CLCN5: variants seen among roughly 807,000 people sequenced by gnomAD.
The protein encoded by CLCN5 is Cl-/H+ antiporter 5, also known as H(+)/Cl(-) exchange transporter 5.
A neutral mutation model predicts 54.0 loss-of-function variants in CLCN5; 17 were observed. That is an observed-to-expected ratio of 0.31 (90% CI 0.22 to 0.47). The LOEUF (loss-of-function observed/expected upper bound fraction) is 0.47, where lower values mean the gene tolerates loss of function less well. Among genes scored for constraint, CLCN5 ranks in the 20% least tolerant of loss-of-function variants. The pLI, the probability that CLCN5 is intolerant of heterozygous loss-of-function variation, is 1.00. For missense variants in CLCN5, 448 were observed against 646.7 expected (o/e 0.69, Z 3.33); for synonymous variants, 222 against 233.0 (o/e 0.95, Z 0.43).
chrX:50,006,582 G>A lies in CLCN5; in HGVS notation c.17-35734G>A, dbSNP rs141916865. On this transcript the variant is annotated intron_variant, in intron 3 of 14. Coordinates refer to ENST00000376091, the MANE Select transcript of CLCN5 (RefSeq NM_001127898.4). ...CAGCCTGCCTTCATGTGTTCAAGGG[G>A]CTGGAAAAGGGGAGCTTTTTCTTTC... 1.4e-4 allele frequency among the ~76,000 whole-genome samples: 16 copies of A among 111,812 alleles called. No individual in the cohort carries two copies. In the East Asian group the frequency reaches 4.5e-3, roughly 32 times the overall value.
In CLCN5 at chrX:49,925,277, C is replaced by G; in HGVS notation, c.-22C>G. 8.3e-7 allele frequency: 1 copy of G among 1,208,362 alleles called. No homozygotes were observed. The highest frequency in any genetic ancestry group is 1.1e-6 in the Non-Finnish European group (1 of 892,562). ...TGGGAAACTCAGCCTGTGACCCCAG[C>G]GTGGGTGAAGATAGGATCAAGATGG... On this transcript the variant is annotated 5_prime_UTR_variant, in exon 3 of 15. Transcript: ENST00000376091.
chrX:50,079,872 A>G (rs1280943631), intron 7 of CLCN5, among the ~76,000 whole-genome samples: 1 of 111,285 alleles, frequency 9.0e-6, no homozygotes, highest in Non-Finnish European at 1.9e-5. Flanking sequence ...GAGGTAATGT[A>G]CAGTAGAGTT....
chrX:50,033,832 T>G (rs1227124174), intron 3 of CLCN5, among the ~76,000 whole-genome samples: 1 of 111,513 alleles, frequency 9.0e-6, no homozygotes, highest in Non-Finnish European at 1.9e-5. Context: ...TCTTTAAGGG[T>G]CCTCAGTAAT....
intron 3 of CLCN5, among the ~76,000 whole-genome samples, chrX:50,026,544 G>A (rs1356389790): frequency 9.0e-6 from 1 of 111,426 alleles, no homozygotes; most frequent in Non-Finnish European, 1.9e-5. Context: ...ATATGTTGAC[G>A]CTGTTGTTAG....
chrX:50,007,701 T>G (rs1930273599), intron 3 of CLCN5, among the ~76,000 whole-genome samples: 1 of 111,215 alleles, frequency 9.0e-6, no homozygotes, highest in South Asian at 3.8e-4. Flanking sequence ...CCCTTAAAAA[T>G]GCACATTCAT....
intron 3 of CLCN5, among the ~76,000 whole-genome samples, chrX:50,001,066 C>T (rs138313513): frequency 2.0e-3 from 225 of 111,069 alleles, no homozygotes; most frequent in Non-Finnish European, 3.3e-3. Context: ...TGAAGTTCCT[C>T]TGACCTCTCC....
chrX:49,942,746 A>C (rs1926445393), intron 3 of CLCN5, among the ~76,000 whole-genome samples: 1 of 110,080 alleles, frequency 9.1e-6, no homozygotes, highest in African/African-American at 3.3e-5. Flanking sequence ...ATCCTTTTTT[A>C]TGGCTGCATA....
intron 3 of CLCN5, among the ~76,000 whole-genome samples, chrX:49,936,095 A>G (rs895220632): frequency 2.7e-5 from 3 of 111,574 alleles, no homozygotes; most frequent in Non-Finnish European, 5.7e-5. Context: ...AAAGTATGCT[A>G]AGGTGCTTTG....
chrX:49,948,224 T>C (rs1926856415), intron 3 of CLCN5, among the ~76,000 whole-genome samples: 2 of 107,370 alleles, frequency 1.9e-5, no homozygotes, highest in South Asian at 8.2e-4. Context: ...TATTAAAAAA[T>C]AATATAGATG....
chrX:49,931,733 CTTT>C (rs1361127071), intron 3 of CLCN5, among the ~76,000 whole-genome samples: 2 of 99,077 alleles, frequency 2.0e-5, no homozygotes, highest in African/African-American at 3.7e-5. Flanking sequence ...TAAAAGAAAA[CTTT>C]TTTTTTTTTT....
intron 3 of CLCN5, among the ~76,000 whole-genome samples, chrX:49,970,097 A>G (rs1557176026): frequency 9.0e-6 from 1 of 111,362 alleles, no homozygotes; most frequent in African/African-American, 3.3e-5. Flanking sequence ...TTAGTGTGCT[A>G]TATCCTTTCC....
At chrX:50,074,393 G>A (rs1557191829) in intron 6 of CLCN5, among the ~76,000 whole-genome samples, 1 of 111,299 alleles carries the variant, frequency 9.0e-6, no homozygotes, top group Non-Finnish European at 1.9e-5. Flanking sequence ...AGGAGGAGAG[G>A]TAGAAGGAGA....
At chrX:50,006,379 C>T (rs782186101) in intron 3 of CLCN5, among the ~76,000 whole-genome samples, 1 of 112,069 alleles carries the variant, frequency 8.9e-6, no homozygotes, top group African/African-American at 3.2e-5. Flanking sequence ...TGGGCTAGGA[C>T]TCACAGATGG....
intron 3 of CLCN5, among the ~76,000 whole-genome samples, chrX:49,992,134 T>A (rs1929289714): frequency 9.0e-6 from 1 of 110,581 alleles, no homozygotes; most frequent in South Asian, 3.9e-4. Flanking sequence ...TGGCTACATC[T>A]TCTTGAGTTG....
Position 50,088,828 on chromosome X carries a change from G to A in CLCN5, c.1688G>A (p.Gly563Glu). 5.8e-6 allele frequency: 7 copies of A among 1,211,714 alleles called. No individual in the cohort carries two copies. The highest frequency in any genetic ancestry group is 7.8e-6 in the Non-Finnish European group (7 of 895,405). The change falls in exon 12 of 15, where the codon GGA (glycine) becomes GAA (glutamate). Residue 563 changes from glycine to glutamate, a missense_variant. Physicochemically the swap from Gly to Glu is moderately conservative, Grantham distance 98. Transcript: ENST00000376091. ...GTCTTCAATAGCTGGTGTAGTCAGG[G>A]AGCTGATTGCATCACCCCCGGCCTT... ...WTVFNSWCSQGADCITPGLYA... is the reference protein window; with the variant it reads ...WTVFNSWCSQEADCITPGLYA...
intron 6 of CLCN5, among the ~76,000 whole-genome samples, chrX:50,074,162 G>A (rs1933322809): frequency 8.9e-6 from 1 of 112,256 alleles, no homozygotes; most frequent in African/African-American, 3.2e-5. Flanking sequence ...TTGTGCAAAA[G>A]TAATTGCATT....
At chrX:50,041,872 C>A (rs574597791) in intron 3 of CLCN5, among the ~76,000 whole-genome samples, 1 of 112,134 alleles carries the variant, frequency 8.9e-6, no homozygotes, top group African/African-American at 3.2e-5. Flanking sequence ...AGATGTCCAT[C>A]AGCTGATGAA....
chrX:50,043,353 C>T (rs912394674), intron 4 of CLCN5, among the ~76,000 whole-genome samples: 6 of 111,865 alleles, frequency 5.4e-5, no homozygotes, highest in African/African-American at 3.2e-5. Flanking sequence ...AACAATGCTG[C>T]AACAAACAAC....
At chrX:50,077,290 T>G (rs1557192255) in intron 7 of CLCN5, among the ~76,000 whole-genome samples, 1 of 111,185 alleles carries the variant, frequency 9.0e-6, no homozygotes, top group Non-Finnish European at 1.9e-5. Flanking sequence ...TTTAGGTCTA[T>G]GCTTCTCAAA....
Sources: gnomAD v4.1 joint callset for allele counts (sites outside exome capture counted in the v4.1 genomes callset) on GRCh38, gnomAD v4.1.1 for gene constraint, MANE v1.5 for transcripts, NCBI Gene and HGNC (gene_info 2026-07-23, HGNC 2026-07-21) for gene names.